Variants in LRRC7 observed in about 807,000 individuals in gnomAD.
LRRC7 encodes the protein leucine rich repeat containing 7.
Under a neutral mutation model 175.7 loss-of-function variants are expected in LRRC7, and 23 were observed. The observed-to-expected ratio is 0.13, with a 90% CI of 0.09 to 0.19. LRRC7 has a LOEUF of 0.19. LRRC7 is among the 10% of genes least tolerant of loss of function. The pLI, the probability that LRRC7 is intolerant of heterozygous loss-of-function variation, is 1.00. For synonymous variants in LRRC7, 685 were observed against 680.9 expected (o/e 1.01, Z -0.09); for missense variants, 1,354 against 1,904.7 (o/e 0.71, Z 5.38).
At chr1:69,816,023 C>T (rs1196316060) in intron 4 of LRRC7, among the ~76,000 whole-genome samples, 1 of 151,850 alleles carries the variant, frequency 6.6e-6, no homozygotes, top group East Asian at 1.9e-4. Context: ...CTGTGTCGCC[C>T]AGGCTGGGGT....
chr1:69,899,076 A>AT (rs1408711691), intron 7 of LRRC7, among the ~76,000 whole-genome samples: 4 of 152,076 alleles, frequency 2.6e-5, no homozygotes, highest in East Asian at 1.9e-4. Context: ...AGATTTTAGT[A>AT]TTTTTTTATC....
rs1659681118 is a variant in LRRC7, at chr1:70,039,576, C to G, written c.3752C>G (p.Ser1251Cys). 6.2e-7 allele frequency: 1 copy of G among 1,613,964 alleles called. No individual in the cohort carries two copies. Among genetic ancestry groups the G allele is most frequent in the African/African-American group, 1.3e-5 (1 of 74,916 alleles). Residue 1251 changes from serine (S) to cysteine (C), a missense_variant, in exon 21 of 27, where the codon TCC (serine) becomes TGC (cysteine). This residue lies in a region of LRRC7 where 1,032 missense variants were observed against 1,227.2 expected (regional missense o/e 0.84). Transcript: ENST00000651989. The stretch of plus-strand genomic sequence containing the variant: ...TACAGTACAGAGAGTTACGGTGCCT[C>G]CCAAACCAGGCCAGTTTCAGCTAGG... ...RSYSTESYGASQTRPVSARPT... is the reference protein window; with the variant it reads ...RSYSTESYGACQTRPVSARPT...
intron 20 of LRRC7, 115 bp from the exon 21 acceptor site, chr1:70,037,998 G>A: frequency 7.8e-7 from 1 of 1,275,220 alleles, no homozygotes; most frequent in Non-Finnish European, 1.1e-6. Flanking sequence ...TAAGTCAGGT[G>A]AGGATTATTG....
At chr1:69,849,517 T>G (rs898141457) in intron 7 of LRRC7, among the ~76,000 whole-genome samples, 1 of 152,002 alleles carries the variant, frequency 6.6e-6, no homozygotes, top group African/African-American at 2.4e-5. Flanking sequence ...CTTCCATCTA[T>G]ATGGATATAC....
chr1:70,098,743 C>A (rs1179955711), intron 25 of LRRC7, among the ~76,000 whole-genome samples: 1 of 151,558 alleles, frequency 6.6e-6, no homozygotes, highest in Non-Finnish European at 1.5e-5. Flanking sequence ...AATTCCTTGA[C>A]ACATACACTC....
intron 1 of LRRC7, among the ~76,000 whole-genome samples, chr1:69,666,949 A>C (rs576503122): frequency 3.9e-5 from 6 of 152,092 alleles, no homozygotes; most frequent in Non-Finnish European, 8.8e-5. Context: ...TAATAGCTAT[A>C]AACTTCCTTC....
intron 1 of LRRC7, among the ~76,000 whole-genome samples, chr1:69,574,171 A>T (rs779373872): frequency 2.0e-5 from 3 of 152,158 alleles, no homozygotes; most frequent in Non-Finnish European, 2.9e-5. Context: ...GTAAAGTAGT[A>T]TGAGAACAAG....
At chr1:69,994,058 C>T (rs144232911) in intron 10 of LRRC7, among the ~76,000 whole-genome samples, 3 of 152,104 alleles carry the variant, frequency 2.0e-5, no homozygotes, top group Non-Finnish European at 2.9e-5. Context: ...AAGAATATGA[C>T]GTCATATGTT....
chr1:69,982,074 T>C (rs1467854771), intron 9 of LRRC7, among the ~76,000 whole-genome samples: 1 of 152,234 alleles, frequency 6.6e-6, no homozygotes, highest in African/African-American at 2.4e-5. Context: ...ATGAGAATTT[T>C]ACTTTTCACA....
At chr1:69,815,141 GA>G (rs1245108055) in intron 4 of LRRC7, among the ~76,000 whole-genome samples, 5 of 152,078 alleles carry the variant, frequency 3.3e-5, no homozygotes, top group African/African-American at 9.7e-5. Flanking sequence ...TTTGCCTTGT[GA>G]AACCTCCACC....
chr1:70,065,359 A>G (rs1193258983), intron 23 of LRRC7, among the ~76,000 whole-genome samples: 1 of 152,008 alleles, frequency 6.6e-6, no homozygotes, highest in Non-Finnish European at 1.5e-5. Flanking sequence ...TCTAAGAGGA[A>G]AGGATGATGA....
At chr1:69,780,568 G>A (rs1348960195) in intron 3 of LRRC7, among the ~76,000 whole-genome samples, 1 of 151,872 alleles carries the variant, frequency 6.6e-6, no homozygotes, top group African/African-American at 2.4e-5. Context: ...TGTCACAATT[G>A]GAAGCTTACA....
chr1:69,737,263 G>A (rs34816028), intron 2 of LRRC7, among the ~76,000 whole-genome samples: 2,555 of 152,052 alleles, frequency 0.017, 31 homozygotes, highest in Non-Finnish European at 0.028. Flanking sequence ...TCATGCCAAT[G>A]GGTTTTTCCC....
At chr1:70,035,476 GA>G (rs1659207536) in intron 18 of LRRC7, among the ~76,000 whole-genome samples, 1 of 151,934 alleles carries the variant, frequency 6.6e-6, no homozygotes, top group Non-Finnish European at 1.5e-5. Context: ...TTAGGTGTGA[GA>G]AAACCAGGAA....
chr1:69,738,120 T>G (rs2100842241), intron 2 of LRRC7, among the ~76,000 whole-genome samples: 1 of 152,194 alleles, frequency 6.6e-6, no homozygotes, highest in African/African-American at 2.4e-5. Context: ...GAAGGCTGAA[T>G]TTCTTAAGGA....
At chr1:70,072,994 C>T (rs775871739) in intron 23 of LRRC7, among the ~76,000 whole-genome samples, 3 of 152,126 alleles carry the variant, frequency 2.0e-5, no homozygotes, top group Non-Finnish European at 2.9e-5. Context: ...AAAGGATGAC[C>T]TTTGATAGAC....
intron 1 of LRRC7, among the ~76,000 whole-genome samples, chr1:69,593,011 T>C (rs1553122212): frequency 6.6e-6 from 1 of 152,080 alleles, no homozygotes; most frequent in Non-Finnish European, 1.5e-5. Flanking sequence ...TTCTCATATA[T>C]TGTAAAAATT....
chr1:69,580,606 A>G (rs1294519654), intron 1 of LRRC7, among the ~76,000 whole-genome samples: 1 of 152,162 alleles, frequency 6.6e-6, no homozygotes, highest in African/African-American at 2.4e-5. Context: ...AACTTTTATA[A>G]TAAAAATCTA....
intron 7 of LRRC7, among the ~76,000 whole-genome samples, chr1:69,908,884 A>G (rs1490103231): frequency 6.6e-6 from 1 of 150,746 alleles, no homozygotes; most frequent in Admixed American, 6.6e-5. Context: ...AAAGTCTCCC[A>G]TTATTATTGT....
Sources: allele counts gnomAD v4.1 joint callset (sites outside exome capture counted in the v4.1 genomes callset), GRCh38; gene constraint gnomAD v4.1.1; regional missense constraint gnomAD v4.1.1; transcripts MANE v1.5; gene names NCBI Gene and HGNC (gene_info 2026-07-23, HGNC 2026-07-21).